Variants in DARS1 observed in about 807,000 individuals in gnomAD.
DARS1 encodes aspartyl-tRNA synthetase 1, also known as aspartate--tRNA ligase, cytoplasmic.
A neutral mutation model predicts 68.8 loss-of-function variants in DARS1; 51 were observed. The ratio of observed to expected loss-of-function variants is 0.74; its 90% CI spans 0.59 to 0.94. DARS1 has a LOEUF of 0.94. Ranked by LOEUF, DARS1 falls within the 40% of genes least tolerant of loss-of-function variation. The pLI, the probability that DARS1 is intolerant of heterozygous loss-of-function variation, is 0.00. For synonymous variants in DARS1, 203 were observed against 190.4 expected (o/e 1.07, Z -0.55); for missense variants, 607 against 597.3 (o/e 1.02, Z -0.17).
chr2:135,923,104 C>A (rs1681139997), intron 8 of DARS1, among the ~76,000 whole-genome samples, 186 bp from the exon 9 acceptor site: 1 of 152,144 alleles, frequency 6.6e-6, no homozygotes, highest in African/African-American at 2.4e-5. Context: ...TATATTTAAA[C>A]CAGATTTACT....
In DARS1 at chr2:135,985,601, G is replaced by C. The variant is rs780733119; in HGVS notation, c.-133C>G. On this transcript the variant is annotated 5_prime_UTR_variant, in exon 1 of 16. Coordinates refer to ENST00000264161, the MANE Select transcript of DARS1 (RefSeq NM_001349.4). Reference sequence around the variant, plus strand: ...GTCTCAGCACACGCGCTCGGACTCCGCGTGGAGGTGCGGCTCCAGAAAGAT... The same window carrying C: ...GTCTCAGCACACGCGCTCGGACTCCCCGTGGAGGTGCGGCTCCAGAAAGAT... The C allele has an allele frequency of 6.6e-7, 1 of 1,525,330 alleles. No individual in the cohort carries two copies. Among genetic ancestry groups the C allele is most frequent in the Non-Finnish European group, 8.8e-7 (1 of 1,130,928 alleles). The allele number at this position is 1,525,330 out of a possible 1,614,324, so 94.5% of individuals were successfully genotyped here.
Position 135,983,425 on chromosome 2 carries a change from A to C in DARS1, c.96T>G (p.Ser32=), listed in dbSNP as rs1000742818. 2.4e-6 allele frequency: 3 copies of C among 1,238,106 alleles called. No homozygotes were observed. Among genetic ancestry groups the C allele is most frequent in the Non-Finnish European group, 3.6e-6 (3 of 844,030 alleles). 76.7% of individuals were successfully genotyped at this position (1,238,106 alleles called of 1,614,324 possible). A position where few individuals can be genotyped will look rare whatever the true frequency, so the allele number is the denominator to read the frequency against. The change falls in exon 2 of 16, where the codon TCT becomes TCG. Residue 32 remains serine, a synonymous_variant. Coordinates refer to ENST00000264161, the MANE Select transcript of DARS1 (RefSeq NM_001349.4). ...EDYAKERYGI[S]SMIQSQEKPD... is the part of the protein sequence containing the mutation. The stretch of plus-strand genomic sequence containing the variant: ...GTTTTTCTTGTGATTGTATCATTGA[A>C]GATATTCCATATCTCTCTTTAGCAT...
Position 135,985,574 on chromosome 2 carries a change from G to C in DARS1, c.-106C>G. ...CCCAGTCTCCGCCCTCCCGACCCTG[G>C]GGTCTCAGCACACGCGCTCGGACTC... On this transcript the variant is annotated 5_prime_UTR_variant, in exon 1 of 16. Coordinates refer to ENST00000264161, the MANE Select transcript of DARS1 (RefSeq NM_001349.4). The C allele has an allele frequency of 2.5e-6, 4 of 1,581,320 alleles. No individual in the cohort carries two copies. Among genetic ancestry groups the C allele is most frequent in the Non-Finnish European group, 2.6e-6 (3 of 1,163,190 alleles).
At chr2:135,954,614 A>G (rs1681923567) in intron 4 of DARS1, among the ~76,000 whole-genome samples, 2 of 152,344 alleles carry the variant, frequency 1.3e-5, no homozygotes, top group Non-Finnish European at 2.9e-5. Context: ...CCAAATAAGC[A>G]TAAAAATCCA....
chr2:135,975,372 T>C (rs567230313), intron 3 of DARS1, among the ~76,000 whole-genome samples: 1 of 151,412 alleles, frequency 6.6e-6, no homozygotes. Context: ...AAAAAACCTA[T>C]ACGCACAGAC....
chr2:135,939,817 A>G (rs1256274497), intron 5 of DARS1, among the ~76,000 whole-genome samples: 1 of 152,162 alleles, frequency 6.6e-6, no homozygotes, highest in East Asian at 1.9e-4. Flanking sequence ...AAAAAATGAT[A>G]AAGGGGATAT....
At position 135,907,531 on chromosome 2, in the gene DARS1, CTT is replaced by C. The variant is rs528754955; in HGVS notation, c.1415-126_1415-125del. 8.1e-4 allele frequency: 497 copies of C among 612,408 alleles called. 2 individuals are homozygous for C. The African/African-American group carries it at 8.2e-3, about 10-fold the overall frequency. The allele number at this position is 612,408 out of a possible 1,614,324, so 37.9% of individuals were successfully genotyped here. A position where few individuals can be genotyped will look rare whatever the true frequency, so the allele number is the denominator to read the frequency against. ...TTCCTTGTTAGGAAAGAAAATGACT[CTT>C]ATTATTTTGGGTTTATTTAAAACTG... On this transcript the variant is annotated intron_variant, in intron 15 of 15. Transcript: ENST00000264161.
intron 3 of DARS1, among the ~76,000 whole-genome samples, chr2:135,977,880 T>C (rs540690489): frequency 1.2e-3 from 181 of 152,212 alleles, no homozygotes; most frequent in African/African-American, 4.1e-3. Flanking sequence ...CAGTGACTTA[T>C]GCCTGTAATC....
In DARS1 at chr2:135,911,163, G is replaced by A. The variant is rs1021995580; in HGVS notation, c.1390C>T (p.Pro464Ser). The change falls in exon 15 of 16, where the codon CCT becomes TCT. Residue 464 changes from proline (P) to serine (S), a missense_variant. Physicochemically the swap from Pro to Ser is moderately conservative, Grantham distance 74. Coordinates refer to ENST00000264161, the MANE Select transcript of DARS1 (RefSeq NM_001349.4). ...AYIDSFRFGA[P>S]PHAGGGIGLE... Reference sequence around the variant, plus strand: ...CCAATGCCTCCACCAGCATGAGGAGGGGCTCCAAAGCGGAAGGAATCAATG... The same window carrying A: ...CCAATGCCTCCACCAGCATGAGGAGAGGCTCCAAAGCGGAAGGAATCAATG... 6.5e-7 allele frequency: 1 copy of A among 1,530,962 alleles called. No homozygotes were observed. The highest frequency in any genetic ancestry group is 1.1e-5 in the South Asian group (1 of 89,290). The allele number at this position is 1,530,962 out of a possible 1,614,324, so 94.8% of individuals were successfully genotyped here. A position where few individuals can be genotyped will look rare whatever the true frequency, so the allele number is the denominator to read the frequency against.
At chr2:135,922,069 C>T (rs138731267) in intron 9 of DARS1, among the ~76,000 whole-genome samples, 131 of 152,212 alleles carry the variant, frequency 8.6e-4, no homozygotes, top group African/African-American at 3.0e-3. Flanking sequence ...AAGAATTTGC[C>T]ACATGATTAT....
chr2:135,917,898 A>C (rs1048590616), intron 10 of DARS1, among the ~76,000 whole-genome samples: 1 of 151,292 alleles, frequency 6.6e-6, no homozygotes, highest in Non-Finnish European at 1.5e-5. Flanking sequence ...GGTTAAAAAG[A>C]CCCCATAATT....
At chr2:135,909,777 G>A (rs1227426735) in intron 15 of DARS1, among the ~76,000 whole-genome samples, 3 of 152,154 alleles carry the variant, frequency 2.0e-5, no homozygotes, top group African/African-American at 7.2e-5. Flanking sequence ...AAGGCAGAGT[G>A]TTATTTCATT....
chr2:135,924,841 G>A (rs1465676404), intron 7 of DARS1, among the ~76,000 whole-genome samples: 1 of 152,112 alleles, frequency 6.6e-6, no homozygotes, highest in Non-Finnish European at 1.5e-5. Flanking sequence ...CCCATAAAGT[G>A]AGACATAGCA....
At chr2:135,983,595 A>T in intron 1 of DARS1, 141 bp from the exon 2 acceptor site, 1 of 538,782 alleles carries the variant, frequency 1.9e-6, no homozygotes, top group Non-Finnish European at 3.2e-6. Context: ...GTAGTTTCAT[A>T]ATGTGGAAAT....
chr2:135,940,528 C>T (rs309149), intron 5 of DARS1, among the ~76,000 whole-genome samples: 66,290 of 151,932 alleles, frequency 0.44, 16,982 homozygotes, highest in Middle Eastern at 0.73. Flanking sequence ...TAAGAGCTAT[C>T]TATGACAAAC....
At chr2:135,976,957 T>C (rs1007432958) in intron 3 of DARS1, among the ~76,000 whole-genome samples, 2 of 152,214 alleles carry the variant, frequency 1.3e-5, no homozygotes, top group African/African-American at 4.8e-5. Context: ...GACAATGCTC[T>C]ATTATATGTG....
At position 135,943,399 on chromosome 2, in the gene DARS1, G is replaced by A. The variant is rs1389360780; in HGVS notation, c.402C>T (p.Asp134=). 9.3e-6 allele frequency: 15 copies of A among 1,612,952 alleles called. No homozygotes were observed. Among genetic ancestry groups the A allele is most frequent in the Non-Finnish European group, 1.3e-5 (15 of 1,179,534 alleles). Residue 134 remains aspartate (D), a synonymous_variant, in exon 5 of 16, where the codon GAC becomes GAT. Coordinates refer to ENST00000264161, the MANE Select transcript of DARS1 (RefSeq NM_001349.4). ...TTACCTTCTGAACATGTAACTCAAC[G>A]TCTTGCTGTGTACAGCTTCCAATTT... ...NQKIGSCTQQ[D]VELHVQKIYV...
chr2:135,983,906 C>G (rs572718163), intron 1 of DARS1, among the ~76,000 whole-genome samples: 1 of 152,266 alleles, frequency 6.6e-6, no homozygotes, highest in South Asian at 2.1e-4. Flanking sequence ...TTTCTGAGCA[C>G]CAGATGTCCA....
chr2:135,942,817 C>T (rs1048785454), intron 5 of DARS1, among the ~76,000 whole-genome samples: 2 of 152,068 alleles, frequency 1.3e-5, no homozygotes, highest in African/African-American at 2.4e-5. Context: ...AGACTGTTTG[C>T]AAAAATGGCT....
Sources: gnomAD v4.1 joint callset for allele counts (sites outside exome capture counted in the v4.1 genomes callset) on GRCh38, gnomAD v4.1.1 for gene constraint, MANE v1.5 for transcripts, NCBI Gene and HGNC (gene_info 2026-07-23, HGNC 2026-07-21) for gene names.